The following PCDHGB1 variants were observed in gnomAD, a reference collection of about 807,000 sequenced individuals.
The protein encoded by PCDHGB1 is protocadherin gamma subfamily B, 1.
In PCDHGB1, 34 loss-of-function variants were observed where a neutral mutation model predicts 56.6. The ratio of observed to expected loss-of-function variants is 0.60; its 90% CI spans 0.46 to 0.80. PCDHGB1 has a LOEUF of 0.80. PCDHGB1 is among the 30% of genes least tolerant of loss of function. The pLI is 0.00. For missense variants in PCDHGB1, 1,278 were observed against 1,204.6 expected (o/e 1.06, Z -0.90); for synonymous variants, 561 against 505.9 (o/e 1.11, Z -1.46).
In PCDHGB1 at chr5:141,491,681, C is replaced by A; in HGVS notation, c.2410-3126C>A. The A allele has an allele frequency of 6.2e-7, 1 of 1,613,458 alleles. No individual in the cohort carries two copies. Among genetic ancestry groups the A allele is most frequent in the Non-Finnish European group, 8.5e-7 (1 of 1,179,804 alleles). ...GACGCCATCCGGTCCCGCTCTAATA[C>A]GCTGCGGGAGCGGAGCCAGGTGAGG... On this transcript the variant is annotated intron_variant, in intron 1 of 3. Coordinates refer to ENST00000523390, the MANE Select transcript of PCDHGB1 (RefSeq NM_018922.3). This position sits in a 1 kb window ranked among gnomAD's most constrained non-coding sequence, Gnocchi z 6.9.
rs748462670 is a variant in PCDHGB1, at chr5:141,478,010, C to T, written c.2410-16797C>T. Reference sequence around the variant, plus strand: ...GCACACTGGTCAAATCAGTACTGCCCGTCCAGTCCAAGACACAGATTCACC... The same window carrying T: ...GCACACTGGTCAAATCAGTACTGCCTGTCCAGTCCAAGACACAGATTCACC... On this transcript the variant is annotated intron_variant, in intron 1 of 3. Coordinates refer to ENST00000523390, the MANE Select transcript of PCDHGB1 (RefSeq NM_018922.3). 9 of 1,614,008 alleles carry T rather than the reference C, an allele frequency of 5.6e-6. No homozygotes were observed. The highest frequency in any genetic ancestry group is 1.7e-5 in the Admixed American group (1 of 59,998).
At chr5:141,420,301 C>CT (rs768732518) in intron 1 of PCDHGB1, 1 of 1,462,190 alleles carries the variant, frequency 6.8e-7, no homozygotes, top group African/African-American at 1.4e-5. Flanking sequence ...GTATTTAATC[C>CT]TTTTTATATT....
rs770760145 is a variant in PCDHGB1 at position 141,421,951 on chromosome 5, A to C, written c.2409+69282A>C. On this transcript the variant is annotated intron_variant, in intron 1 of 3. Transcript: ENST00000523390. Reference sequence around the variant, plus strand: ...CCTCGATGTAAATGATCACATCCCAATGTTTACACAGTCCGTATATCGCGT... The same window carrying C: ...CCTCGATGTAAATGATCACATCCCACTGTTTACACAGTCCGTATATCGCGT... 1.9e-6 allele frequency: 3 copies of C among 1,612,854 alleles called. No homozygotes were observed. The highest frequency in any genetic ancestry group is 2.5e-6 in the Non-Finnish European group (3 of 1,179,434).
chr5:141,399,628 G>A (rs775633916), intron 1 of PCDHGB1: 23 of 1,613,772 alleles, frequency 1.4e-5, no homozygotes, highest in South Asian at 2.2e-5. Context: ...GGCCTCTTAC[G>A]TGTCCATGAG....
At chr5:141,381,475 GA>G (rs1777221405) in intron 1 of PCDHGB1, among the ~76,000 whole-genome samples, 1 of 152,226 alleles carries the variant, frequency 6.6e-6, no homozygotes, top group African/African-American at 2.4e-5. Context: ...GCTGTCTAGA[GA>G]TCCCTGTTTT....
chr5:141,362,466 G>A, intron 1 of PCDHGB1: 1 of 1,614,042 alleles, frequency 6.2e-7, no homozygotes, highest in Non-Finnish European at 8.5e-7. Flanking sequence ...TGGTTCCCGC[G>A]CAAGATCTCG....
rs764056952 is a variant in PCDHGB1 at position 141,405,326 on chromosome 5, T to G, written c.2409+52657T>G. On this transcript the variant is annotated intron_variant, in intron 1 of 3. Transcript: ENST00000523390. ...GAGCTGTGAGAAAAATGAGCCTTTG[T>G]GCGTCTCTGTTGATTCCAAGTTTCC... The G allele has an allele frequency of 2.5e-6, 4 of 1,614,220 alleles. No individual in the cohort carries two copies. Among genetic ancestry groups the G allele is most frequent in the Admixed American group, 3.3e-5 (2 of 60,026 alleles).
chr5:141,419,890 C>T (rs775698934), intron 1 of PCDHGB1: 3 of 1,614,102 alleles, frequency 1.9e-6, no homozygotes, highest in Non-Finnish European at 2.5e-6. Flanking sequence ...ATTTCAGCGA[C>T]CATCCCACAC....
At chr5:141,460,864 A>C (rs1220160866) in intron 1 of PCDHGB1, among the ~76,000 whole-genome samples, 1 of 151,800 alleles carries the variant, frequency 6.6e-6, no homozygotes, top group East Asian at 1.9e-4. Flanking sequence ...AAGTTGCTGC[A>C]AAGGACATTA....
intron 1 of PCDHGB1, among the ~76,000 whole-genome samples, chr5:141,425,497 CT>C (rs2096879671): frequency 6.6e-6 from 1 of 152,164 alleles, no homozygotes; most frequent in African/African-American, 2.4e-5. Context: ...TAGGCTATAC[CT>C]TTATATTCTC....
intron 1 of PCDHGB1, chr5:141,398,938 G>A: frequency 6.2e-7 from 1 of 1,613,958 alleles, no homozygotes; most frequent in African/African-American, 1.3e-5. Context: ...TGACCAAGAC[G>A]AGGGCATCAA....
At chr5:141,364,173 G>T (rs2149854430) in intron 1 of PCDHGB1, 2 of 806,624 alleles carry the variant, frequency 2.5e-6, no homozygotes, top group Non-Finnish European at 3.6e-6. Context: ...ACCCGACTCT[G>T]CTCCCTCCAT....
intron 1 of PCDHGB1, among the ~76,000 whole-genome samples, chr5:141,484,306 C>T (rs1009067603): frequency 6.6e-6 from 1 of 152,184 alleles, no homozygotes; most frequent in African/African-American, 2.4e-5. Context: ...GCTTCCTCCA[C>T]CCCGCTTCCA....
intron 1 of PCDHGB1, among the ~76,000 whole-genome samples, chr5:141,492,084 G>C (rs979755390): frequency 2.0e-5 from 3 of 152,236 alleles, no homozygotes; most frequent in African/African-American, 7.2e-5. Flanking sequence ...GCTCCGGCAC[G>C]CTTCGCCGGT....
intron 1 of PCDHGB1, chr5:141,374,661 A>G: frequency 6.2e-7 from 1 of 1,611,830 alleles, no homozygotes; most frequent in Non-Finnish European, 8.5e-7. Context: ...AAGTACCCGG[A>G]GCTGGTGCTG....
intron 1 of PCDHGB1, chr5:141,413,804 CCATTCACCACCTGGTCCTCA>C: frequency 1.2e-6 from 2 of 1,613,194 alleles, no homozygotes; most frequent in Non-Finnish European, 1.7e-6. Flanking sequence ...GAGGAAGAGG[CCATTCACCACCTGGTCCTCA>C]CCGCCTCCGA....
intron 1 of PCDHGB1, among the ~76,000 whole-genome samples, chr5:141,462,839 T>C (rs1020663897): frequency 8.5e-5 from 13 of 152,228 alleles, no homozygotes; most frequent in Non-Finnish European, 1.5e-4. Context: ...GTAAATGTTA[T>C]ATTTTTGAGT....
At chr5:141,433,383 CT>C (rs2097595660) in intron 1 of PCDHGB1, among the ~76,000 whole-genome samples, 1 of 151,456 alleles carries the variant, frequency 6.6e-6, no homozygotes, top group Non-Finnish European at 1.5e-5. Context: ...ATCTATCTAT[CT>C]ATCTATCTAT....
At chr5:141,363,540 C>T (rs1762965005) in intron 1 of PCDHGB1, among the ~76,000 whole-genome samples, 1 of 152,204 alleles carries the variant, frequency 6.6e-6, no homozygotes, top group Admixed American at 6.5e-5. Context: ...ACTGGAACTA[C>T]AAATATTTGA....
Sources: allele counts gnomAD v4.1 joint callset (sites outside exome capture counted in the v4.1 genomes callset), GRCh38; gene constraint gnomAD v4.1.1; non-coding constraint Gnocchi (gnomAD v3.1); transcripts MANE v1.5; gene names NCBI Gene and HGNC (gene_info 2026-07-23, HGNC 2026-07-21).